THADA: variants seen among roughly 807,000 people sequenced by gnomAD.
THADA encodes the protein tRNA (32-2'-O)-methyltransferase regulator THADA.
Under a neutral mutation model 219.8 loss-of-function variants are expected in THADA, and 213 were observed. The observed-to-expected ratio is 0.97, with a 90% CI of 0.87 to 1.09. THADA has a LOEUF of 1.09. Among genes scored for constraint, THADA ranks in the 50% least tolerant of loss-of-function variants. THADA has a pLI of 0.00. For missense variants in THADA, 2,956 were observed against 2,311.3 expected (o/e 1.28, Z -5.72); for synonymous variants, 1,018 against 828.9 (o/e 1.23, Z -3.92).
chr2:43,576,772 A>G (rs62138779), intron 10 of THADA, among the ~76,000 whole-genome samples: 1 of 152,078 alleles, frequency 6.6e-6, no homozygotes, highest in Non-Finnish European at 1.5e-5. Flanking sequence ...TTCTCACCTC[A>G]GCCTCCCACG....
chr2:43,589,202 G>A (rs1221756723), intron 4 of THADA, among the ~76,000 whole-genome samples: 2 of 152,086 alleles, frequency 1.3e-5, no homozygotes, highest in Non-Finnish European at 2.9e-5. Context: ...ATTCACAACA[G>A]GCAAGCAGTG....
chr2:43,427,503 T>TTGTGTGTGTGTGTGTGTGTGTGTGTG (rs70963397), intron 28 of THADA, among the ~76,000 whole-genome samples: 6 of 140,598 alleles, frequency 4.3e-5, no homozygotes, highest in African/African-American at 1.3e-4. Context: ...CTCCCAAAGT[T>TTGTGTGTGTGTGTGTGTGTGTGTGTG]TGTGTGTGTG....
intron 14 of THADA, among the ~76,000 whole-genome samples, chr2:43,569,096 A>G (rs1699010023): frequency 1.3e-5 from 2 of 152,092 alleles, no homozygotes; most frequent in Non-Finnish European, 2.9e-5. Context: ...CTAAGCCTCC[A>G]GAGTATCTGG....
Position 43,574,923 on chromosome 2 carries a change from C to G in THADA, c.1142G>C (p.Ser381Thr). The G allele has an allele frequency of 6.2e-7, 1 of 1,613,980 alleles. No homozygotes were observed. Among genetic ancestry groups the G allele is most frequent in the East Asian group, 2.2e-5 (1 of 44,880 alleles). ...LESSSPSLTD[S>T]LNGNSSIVGR... is the part of the protein sequence containing the mutation. Reference sequence around the variant, plus strand: ...AACTATACTTGAATTCCCATTCAGGCTGTCCGTTAGGCTCGGGGAACTTGA... The same window carrying G: ...AACTATACTTGAATTCCCATTCAGGGTGTCCGTTAGGCTCGGGGAACTTGA... The change falls in exon 11 of 38, where the codon AGC becomes ACC. Residue 381 changes from serine (S) to threonine (T), a missense_variant. By Grantham distance (58) the Ser-to-Thr change is moderately conservative. Coordinates refer to ENST00000405975, the MANE Select transcript of THADA (RefSeq NM_022065.5).
At chr2:43,298,449 C>A in intron 31 of THADA, among the ~76,000 whole-genome samples, 1 of 131,868 alleles carries the variant, frequency 7.6e-6, no homozygotes, top group Non-Finnish European at 1.6e-5. Flanking sequence ...TAATCAGGGA[C>A]ACAAACACTG....
At chr2:43,358,751 C>A (rs1669152620) in intron 29 of THADA, among the ~76,000 whole-genome samples, 1 of 152,084 alleles carries the variant, frequency 6.6e-6, no homozygotes, top group Non-Finnish European at 1.5e-5. Context: ...CTGAGTGGGC[C>A]TGAGACAGCC....
chr2:43,284,643 TCA>T (rs1283978454), intron 35 of THADA, among the ~76,000 whole-genome samples: 1 of 152,190 alleles, frequency 6.6e-6, no homozygotes, highest in Non-Finnish European at 1.5e-5. Flanking sequence ...GTTAGAGCCC[TCA>T]CACAGAGTTC....
Position 43,572,872 on chromosome 2 carries a change from C to G in THADA, c.1850G>C (p.Trp617Ser). The change falls in exon 12 of 38, where the codon TGG (tryptophan) becomes TCG (serine). Residue 617 changes from tryptophan to serine, a missense_variant. Physicochemically the swap from Trp to Ser is radical, Grantham distance 177. Coordinates refer to ENST00000405975, the MANE Select transcript of THADA (RefSeq NM_022065.5). ...HGHLQSATDT[W>S]ENLVSDARIK... ...TCTTGCATCAGACACGAGGTTCTCC[C>G]AGGTATCAGTTGCAGACTGAAGATG... The G allele has an allele frequency of 6.2e-7, 1 of 1,613,924 alleles. No homozygotes were observed. The highest frequency in any genetic ancestry group is 8.5e-7 in the Non-Finnish European group (1 of 1,179,858).
intron 36 of THADA, among the ~76,000 whole-genome samples, chr2:43,271,794 T>C (rs1349894273): frequency 6.6e-6 from 1 of 151,970 alleles, no homozygotes; most frequent in African/African-American, 2.4e-5. Flanking sequence ...TTTGTATTTT[T>C]AGTAGAGAAG....
rs757691193 is a variant in THADA at position 43,549,290 on chromosome 2, A to G, written c.3026T>C (p.Ile1009Thr). The change falls in exon 20 of 38, where the codon ATA becomes ACA. Residue 1009 changes from isoleucine to threonine, a missense_variant. Ile to Thr is a moderately conservative substitution (Grantham distance 89). Coordinates refer to ENST00000405975, the MANE Select transcript of THADA (RefSeq NM_022065.5). ...ATCAAAGCTATCATGTTCTTTCAAT[A>G]TTTTGGCTTGGTTAAAATAATCATT... ...DTNDYFNQAK[I>T]LKEHDSFDMK... The G allele has an allele frequency of 7.5e-6, 12 of 1,599,270 alleles. No individual in the cohort carries two copies. Among genetic ancestry groups the G allele is most frequent in the Non-Finnish European group, 8.5e-6 (10 of 1,172,840 alleles).
intron 26 of THADA, among the ~76,000 whole-genome samples, chr2:43,472,685 G>A (rs1274724061): frequency 2.0e-5 from 3 of 152,172 alleles, no homozygotes; most frequent in African/African-American, 7.2e-5. Context: ...TCTCAGAAGT[G>A]TGTCATTAGA....
intron 7 of THADA, among the ~76,000 whole-genome samples, 169 bp from the exon 8 acceptor site, chr2:43,582,097 T>C (rs1260619212): frequency 1.3e-5 from 2 of 152,230 alleles, no homozygotes; most frequent in Non-Finnish European, 2.9e-5. Flanking sequence ...TATGTAGACA[T>C]TAATTGCAAA....
chr2:43,234,513 G>C (rs1181814506), intron 36 of THADA, among the ~76,000 whole-genome samples: 1 of 152,186 alleles, frequency 6.6e-6, no homozygotes, highest in African/African-American at 2.4e-5. Context: ...TTGGCTGTGG[G>C]TCTGAGCCAT....
At chr2:43,499,171 T>A (rs1688625362) in intron 24 of THADA, among the ~76,000 whole-genome samples, 1 of 152,162 alleles carries the variant, frequency 6.6e-6, no homozygotes, top group Admixed American at 6.5e-5. Context: ...TATAAAAAAG[T>A]TTGATCCAAT....
chr2:43,482,359 G>A (rs1245330441), intron 26 of THADA, among the ~76,000 whole-genome samples: 1 of 151,928 alleles, frequency 6.6e-6, no homozygotes, highest in Non-Finnish European at 1.5e-5. Flanking sequence ...TATGAAACAG[G>A]AACTTCTTGT....
intron 36 of THADA, among the ~76,000 whole-genome samples, chr2:43,249,151 A>G (rs1320106797): frequency 6.6e-6 from 1 of 151,724 alleles, no homozygotes; most frequent in Non-Finnish European, 1.5e-5. Context: ...GCAGTGGTGC[A>G]ATCATGGCTC....
At chr2:43,471,984 G>C (rs572121328) in intron 26 of THADA, among the ~76,000 whole-genome samples, 50 of 152,254 alleles carry the variant, frequency 3.3e-4, no homozygotes, top group Non-Finnish European at 6.0e-4. Flanking sequence ...AATGAACCAA[G>C]AAACATGTTT....
intron 15 of THADA, chr2:43,564,388 G>C (rs1698429838): frequency 6.6e-6 from 1 of 152,252 alleles, no homozygotes; most frequent in Admixed American, 6.5e-5. Flanking sequence ...CCAGCTTCTA[G>C]CAGCTGCAGG....
At chr2:43,551,991 G>A (rs1258537224) in intron 18 of THADA, 66 bp from the exon 19 acceptor site, 19 of 1,577,488 alleles carry the variant, frequency 1.2e-5, no homozygotes, top group Non-Finnish European at 1.6e-5. Context: ...ATGAAAATTA[G>A]ATAAAAGGAT....
Sources: allele counts gnomAD v4.1 joint callset (sites outside exome capture counted in the v4.1 genomes callset), GRCh38; gene constraint gnomAD v4.1.1; transcripts MANE v1.5; gene names NCBI Gene and HGNC (gene_info 2026-07-23, HGNC 2026-07-21).